Variants in TMEM30A observed in about 807,000 individuals in gnomAD.
TMEM30A encodes the protein cell division cycle 50 P4-ATPase accessory subunit A, also known as cell cycle control protein 50A.
In TMEM30A, 24 loss-of-function variants were observed where a neutral mutation model predicts 38.2. That is an observed-to-expected ratio of 0.63 (90% confidence interval 0.46 to 0.88). TMEM30A has a LOEUF of 0.88. TMEM30A is among the 40% of genes least tolerant of loss of function. The pLI is 0.00. For missense variants in TMEM30A, 370 were observed against 458.6 expected (o/e 0.81, Z 1.77); for synonymous variants, 145 against 161.6 (o/e 0.90, Z 0.78).
intron 1 of TMEM30A, among the ~76,000 whole-genome samples, chr6:75,277,094 T>C (rs1372824386): frequency 6.6e-6 from 1 of 152,172 alleles, no homozygotes; most frequent in Non-Finnish European, 1.5e-5. Context: ...TTTTTTACCA[T>C]TTAACATACT....
At chr6:75,282,756 T>C (rs1469709230) in intron 1 of TMEM30A, among the ~76,000 whole-genome samples, 1 of 152,204 alleles carries the variant, frequency 6.6e-6, no homozygotes, top group Non-Finnish European at 1.5e-5. Flanking sequence ...AGACATCTTA[T>C]TTATATTGCT....
rs1318042073 is a variant in TMEM30A at position 75,259,440 on chromosome 6, C to T, written c.592G>A (p.Ala198Thr). 3.7e-6 allele frequency: 6 copies of T among 1,612,686 alleles called. No individual in the cohort carries two copies. Among genetic ancestry groups the T allele is most frequent in the East Asian group, 2.2e-5 (1 of 44,756 alleles). Residue 198 changes from alanine to threonine, a missense_variant, in exon 5 of 7, where the codon GCT becomes ACT. By Grantham distance (58) the Ala-to-Thr change is moderately conservative (BLOSUM62 0). Coordinates refer to ENST00000230461, the MANE Select transcript of TMEM30A (RefSeq NM_018247.4). ...IGNDSYPIPI[A>T]LKKKGIAWWT... Reference sequence around the variant, plus strand: ...CAAGCAATACCTTTCTTTTTCAAAGCGATAGGTATAGGATAAGAATCATTG... The same window carrying T: ...CAAGCAATACCTTTCTTTTTCAAAGTGATAGGTATAGGATAAGAATCATTG...
intron 1 of TMEM30A, among the ~76,000 whole-genome samples, chr6:75,282,900 C>G (rs558018550): frequency 6.6e-6 from 1 of 152,128 alleles, no homozygotes; most frequent in Non-Finnish European, 1.5e-5. Context: ...ACCAGCTCTG[C>G]CTGACCCCAG....
intron 3 of TMEM30A, among the ~76,000 whole-genome samples, chr6:75,262,892 G>A (rs553010556): frequency 6.6e-6 from 1 of 152,342 alleles, no homozygotes; most frequent in South Asian, 2.1e-4. Context: ...CCTTCCATGT[G>A]CAAGCACGAG....
At chr6:75,268,963 T>G (rs1376590120) in intron 1 of TMEM30A, among the ~76,000 whole-genome samples, 1 of 152,156 alleles carries the variant, frequency 6.6e-6, no homozygotes, top group African/African-American at 2.4e-5. Context: ...ATCGCTAAAT[T>G]GAAAGGCTTT....
intron 6 of TMEM30A, chr6:75,256,744 T>A (rs763427394): frequency 2.1e-6 from 1 of 484,938 alleles, no homozygotes; most frequent in Non-Finnish European, 4.1e-6. Context: ...TATGAGACTA[T>A]GAAAAGGCTC....
At chr6:75,256,762 A>C in intron 6 of TMEM30A, 2 of 486,382 alleles carry the variant, frequency 4.1e-6, no homozygotes, top group Non-Finnish European at 8.2e-6. Flanking sequence ...CTCTGAGCAA[A>C]AGATCAAAAA....
At chr6:75,268,956 G>A (rs72880244) in intron 1 of TMEM30A, among the ~76,000 whole-genome samples, 9,744 of 152,192 alleles carry the variant, frequency 0.064, 435 homozygotes, top group South Asian at 0.11. Flanking sequence ...TGGCCTGATC[G>A]CTAAATTGAA....
At chr6:75,274,569 A>G (rs910521348) in intron 1 of TMEM30A, among the ~76,000 whole-genome samples, 1 of 152,244 alleles carries the variant, frequency 6.6e-6, no homozygotes, top group Non-Finnish European at 1.5e-5. Flanking sequence ...CAGATTCACA[A>G]AAGAAAGAGA....
Position 75,265,318 on chromosome 6 carries a change from A to G in TMEM30A, c.366T>C (p.Tyr122=), listed in dbSNP as rs567898402. ...KSFEGNVFMY[Y]GLSNFYQNHR... ...GGTTTTGATAGAAATTAGACAGTCC[A>G]TAATACATAAACACGTTGCCCTAGA... Residue 122 remains tyrosine, a synonymous_variant, in exon 3 of 7, where the codon TAT becomes TAC. Coordinates refer to ENST00000230461, the MANE Select transcript of TMEM30A (RefSeq NM_018247.4). The G allele has an allele frequency of 6.2e-7, 1 of 1,606,330 alleles. No individual in the cohort carries two copies. Among genetic ancestry groups the G allele is most frequent in the South Asian group, 1.1e-5 (1 of 89,662 alleles).
chr6:75,284,215 C>A, intron 1 of TMEM30A, 187 bp downstream of exon 1: 1 of 658,680 alleles, frequency 1.5e-6, no homozygotes. Context: ...AAAGCTAGGA[C>A]AAACCTGCAA....
At chr6:75,269,490 C>A (rs1482691214) in intron 1 of TMEM30A, among the ~76,000 whole-genome samples, 1 of 152,088 alleles carries the variant, frequency 6.6e-6, no homozygotes. Context: ...TTATTTTTAG[C>A]AATAAATAAT....
intron 1 of TMEM30A, among the ~76,000 whole-genome samples, chr6:75,281,149 C>A (rs1259018631): frequency 6.6e-6 from 1 of 152,042 alleles, no homozygotes; most frequent in African/African-American, 2.4e-5. Context: ...AGTTTTTAAA[C>A]TTAGTCTGAA....
In TMEM30A at chr6:75,268,216, G is replaced by A. The variant is rs1487164972; in HGVS notation, c.238-468C>T. ...TTTTTCAACACCTGGTGCTGAATTT[G>A]TCTTTGTCTTGGGTTCCCGGCAAGG... On this transcript the variant is annotated intron_variant, in intron 1 of 6. Coordinates refer to ENST00000230461, the MANE Select transcript of TMEM30A (RefSeq NM_018247.4). Among the ~76,000 whole-genome samples, 5 of 152,128 alleles carry A rather than the reference G, an allele frequency of 3.3e-5. No individual in the cohort carries two copies. In the East Asian group the frequency reaches 9.6e-4, roughly 29 times the overall value.
chr6:75,256,433 ATC>A (rs1771868428), intron 6 of TMEM30A, 138 bp from the exon 7 acceptor site: 2 of 564,466 alleles, frequency 3.5e-6, no homozygotes, highest in Non-Finnish European at 5.6e-6. Context: ...TACGTTCTAA[ATC>A]ACACACACAC....
At chr6:75,261,403 T>C (rs948696739) in intron 3 of TMEM30A, among the ~76,000 whole-genome samples, 1 of 152,204 alleles carries the variant, frequency 6.6e-6, no homozygotes, top group South Asian at 2.1e-4. Context: ...TTAAATCCTA[T>C]ATCTAAGAAA....
intron 6 of TMEM30A, chr6:75,256,684 G>C (rs2149517777): frequency 2.4e-6 from 1 of 414,916 alleles, no homozygotes; most frequent in South Asian, 1.8e-5. Context: ...GAAAAATCAG[G>C]AACTAGAAGT....
intron 3 of TMEM30A, among the ~76,000 whole-genome samples, chr6:75,263,071 T>C (rs986817416): frequency 7.2e-5 from 11 of 152,302 alleles, no homozygotes; most frequent in African/African-American, 2.6e-4. Flanking sequence ...TAGGAGGAGC[T>C]GCTTTAGAAT....
In TMEM30A at chr6:75,284,431, CAA is replaced by C; in HGVS notation, c.206_207del (p.Phe69CysfsTer12). On this transcript the variant is annotated frameshift_variant, in exon 1 of 7. Transcript: ENST00000230461. LOFTEE classifies it high-confidence loss of function. ...LIFIPIGIGIFVTSNNIREIE... is the reference protein window; with the variant it reads ...LIFIPIGIGIXVTSNNIREIE... ...ATCTCGCGGATGTTGTTGGAGGTGA[CAA>C]AAATGCCAATGCCGATGGGAATGAA... is the stretch of plus-strand genomic sequence containing the variant. 4 of 1,614,050 alleles carry C rather than the reference CAA, an allele frequency of 2.5e-6. No homozygotes were observed. The highest frequency in any genetic ancestry group is 3.4e-6 in the Non-Finnish European group (4 of 1,179,996).
Sources: gnomAD v4.1 joint callset for allele counts (sites outside exome capture counted in the v4.1 genomes callset) on GRCh38, gnomAD v4.1.1 for gene constraint, MANE v1.5 for transcripts, NCBI Gene and HGNC (gene_info 2026-07-23, HGNC 2026-07-21) for gene names.